ST18: variants seen among roughly 807,000 people sequenced by gnomAD.
The protein encoded by ST18 is suppression of tumorigenicity 18 protein.
In ST18, 50 loss-of-function variants were observed where a neutral mutation model predicts 110.0. That is an observed-to-expected ratio of 0.45 (90% CI 0.36 to 0.58). The LOEUF (loss-of-function observed/expected upper bound fraction) is 0.58. Ranked by LOEUF, ST18 falls within the 20% of genes least tolerant of loss-of-function variation. ST18 has a pLI of 0.00. For synonymous variants in ST18, 461 were observed against 452.4 expected, an observed-to-expected ratio of 1.02 and a Z score of -0.24; for missense variants, 1,306 against 1,280.1, an observed-to-expected ratio of 1.02 and a Z score of -0.31.
intron 4 of ST18, among the ~76,000 whole-genome samples, chr8:52,221,166 G>A (rs2086591858): frequency 6.6e-6 from 1 of 151,368 alleles, no homozygotes; most frequent in African/African-American, 2.4e-5. Context: ...CTTCAATTTA[G>A]TTGGGAAATT....
intron 2 of ST18, chr8:52,393,757 CT>C (rs1461632307): frequency 6.6e-6 from 1 of 152,078 alleles, no homozygotes; most frequent in African/African-American, 2.4e-5. Context: ...GTGGCAGACA[CT>C]TGTAATCCCA....
chr8:52,250,497 C>T (rs1047413183), intron 2 of ST18, among the ~76,000 whole-genome samples: 14 of 100,786 alleles, frequency 1.4e-4, no homozygotes, highest in Non-Finnish European at 2.3e-4. Flanking sequence ...TAAACCAAAG[C>T]TGTATAAACA....
intron 8 of ST18, among the ~76,000 whole-genome samples, chr8:52,189,651 ACTTGGAGAACAATTACC>A (rs1563959614): frequency 6.6e-6 from 1 of 152,070 alleles, no homozygotes; most frequent in African/African-American, 2.4e-5. Flanking sequence ...ATGGTCGTTT[ACTTGGAGAACAATTACC>A]CTGGGGAAAA....
intron 2 of ST18, among the ~76,000 whole-genome samples, chr8:52,314,787 G>C (rs915140652): frequency 6.6e-6 from 1 of 152,144 alleles, no homozygotes; most frequent in Non-Finnish European, 1.5e-5. Flanking sequence ...CCCATTGTGA[G>C]ACTGCCTGGT....
chr8:52,165,161 C>T lies in ST18; in HGVS notation c.1269G>A (p.Val423=). The part of the protein sequence containing the change: ...PTPGCTGRGH[V]NSNRNTHRSL... Reference sequence around the variant, plus strand: ...TCCTGTGGGTGTTGCGGTTGCTGTTCACATGACCCCTTCCTGTGCATCCCG... The same window carrying T: ...TCCTGTGGGTGTTGCGGTTGCTGTTTACATGACCCCTTCCTGTGCATCCCG... Residue 423 remains valine, a synonymous_variant, in exon 12 of 26, where the codon GTG becomes GTA. Coordinates refer to ENST00000689386, the MANE Select transcript of ST18 (RefSeq NM_001352837.2). 1 of 1,614,168 alleles carries T rather than the reference C, an allele frequency of 6.2e-7. No homozygotes were observed. Among genetic ancestry groups the T allele is most frequent in the Non-Finnish European group, 8.5e-7 (1 of 1,180,024 alleles).
chr8:52,243,499 G>C (rs2093607293), intron 2 of ST18, among the ~76,000 whole-genome samples: 1 of 152,096 alleles, frequency 6.6e-6, no homozygotes, highest in African/African-American at 2.4e-5. Context: ...CTTAAGGAGA[G>C]ATTAAGGGAA....
intron 2 of ST18, among the ~76,000 whole-genome samples, chr8:52,265,928 C>A (rs77322828): frequency 0.029 from 4,421 of 152,186 alleles, 115 homozygotes; most frequent in Admixed American, 0.076. Flanking sequence ...AGAACAAGCT[C>A]ATATTTAGGG....
intron 15 of ST18, among the ~76,000 whole-genome samples, chr8:52,153,668 C>A (rs987123174): frequency 6.6e-6 from 1 of 152,174 alleles, no homozygotes; most frequent in African/African-American, 2.4e-5. Context: ...TCCCCAAGAT[C>A]TTTGGGACTT....
Position 52,233,631 on chromosome 8 carries a change from T to G in ST18, c.-464-3554A>C, listed in dbSNP as rs995207386. ...TTTGAACATCTGATTGATAGTTGTC[T>G]CCCACGACCAATGAGAGGTCCGTAC... On this transcript the variant is annotated intron_variant, in intron 2 of 25. Coordinates refer to ENST00000689386, the MANE Select transcript of ST18 (RefSeq NM_001352837.2). 1.5e-4 allele frequency among the ~76,000 whole-genome samples: 23 copies of G among 152,258 alleles called. 1 individual carries two copies. The highest frequency in any genetic ancestry group is 1.0e-3 in the Admixed American group (16 of 15,302).
chr8:52,330,941 G>A (rs1301761394), intron 2 of ST18, among the ~76,000 whole-genome samples: 1 of 152,208 alleles, frequency 6.6e-6, no homozygotes, highest in Non-Finnish European at 1.5e-5. Flanking sequence ...CAGAGAGATG[G>A]AGAGGCAGAC....
chr8:52,251,835 A>T (rs193228866), intron 2 of ST18, among the ~76,000 whole-genome samples: 3 of 152,056 alleles, frequency 2.0e-5, no homozygotes, highest in African/African-American at 7.2e-5. Context: ...TAGCCGTCCA[A>T]AGTTTCTTTT....
chr8:52,280,154 C>T (rs535662599), intron 2 of ST18, among the ~76,000 whole-genome samples: 29 of 151,178 alleles, frequency 1.9e-4, no homozygotes, highest in African/African-American at 6.3e-4. Context: ...TAGGAATAAC[C>T]GCTAAAAAAA....
At chr8:52,368,899 T>A (rs7459595) in intron 2 of ST18, among the ~76,000 whole-genome samples, 122,606 of 152,068 alleles carry the variant, frequency 0.81, 51,907 homozygotes, top group Non-Finnish European at 0.93. Context: ...TACCTACTAC[T>A]TACCACGCTC....
chr8:52,142,219 C>T (rs1042095649), intron 17 of ST18, among the ~76,000 whole-genome samples: 1 of 151,976 alleles, frequency 6.6e-6, no homozygotes, highest in Non-Finnish European at 1.5e-5. Context: ...TTTCTTGATA[C>T]GTTCAGCTGG....
At chr8:52,146,309 G>A (rs539688416) in intron 16 of ST18, among the ~76,000 whole-genome samples, 10 of 152,234 alleles carry the variant, frequency 6.6e-5, no homozygotes, top group East Asian at 1.9e-4. Flanking sequence ...TCCTGTACCC[G>A]CAGAAACACT....
At chr8:52,211,095 A>G (rs144710442) in intron 8 of ST18, among the ~76,000 whole-genome samples, 3 of 152,222 alleles carry the variant, frequency 2.0e-5, no homozygotes, top group Non-Finnish European at 2.9e-5. Context: ...AGAGAAATGT[A>G]CAGAGCAATT....
intron 2 of ST18, among the ~76,000 whole-genome samples, chr8:52,342,399 T>C (rs992623207): frequency 1.3e-5 from 2 of 152,162 alleles, no homozygotes; most frequent in South Asian, 4.1e-4. Context: ...CAAGACCATC[T>C]AGGAGACCAA....
chr8:52,339,374 T>G (rs565190555), intron 2 of ST18, among the ~76,000 whole-genome samples: 6 of 152,292 alleles, frequency 3.9e-5, no homozygotes, highest in East Asian at 3.9e-4. Context: ...CTCAGGACAT[T>G]CGGTCAGGCC....
At chr8:52,232,258 A>G (rs1366719929) in intron 2 of ST18, among the ~76,000 whole-genome samples, 1 of 152,308 alleles carries the variant, frequency 6.6e-6, no homozygotes, top group Middle Eastern at 3.4e-3. Context: ...ATTGAACTTG[A>G]TCTTCCCTTC....
Sources: allele counts gnomAD v4.1 joint callset (sites outside exome capture counted in the v4.1 genomes callset), GRCh38; gene constraint gnomAD v4.1.1; transcripts MANE v1.5; gene names NCBI Gene and HGNC (gene_info 2026-07-23, HGNC 2026-07-21).